Variants in AFG2A observed in about 807,000 individuals in gnomAD.
AFG2A encodes the protein AAA ATPase AFG2A.
At chr4:123,227,398 C>T in the AFG2A span, among the ~76,000 whole-genome samples, 1 of 152,152 alleles carries the variant, frequency 6.6e-6, no homozygotes, top group Non-Finnish European at 1.5e-5. Flanking sequence ...CCCAGAGATT[C>T]TGGTACGTTG....
the AFG2A span, among the ~76,000 whole-genome samples, chr4:122,986,282 T>C: frequency 4.6e-5 from 7 of 152,232 alleles, no homozygotes; most frequent in Non-Finnish European, 8.8e-5. Flanking sequence ...TGTATATCAG[T>C]TAAGTCCATT....
the AFG2A span, among the ~76,000 whole-genome samples, chr4:123,143,248 T>C: frequency 6.6e-6 from 1 of 152,068 alleles, no homozygotes; most frequent in Non-Finnish European, 1.5e-5. Context: ...TAAGTTGTTG[T>C]ACCTTCAATT....
chr4:123,075,987 AC>A, the AFG2A span, among the ~76,000 whole-genome samples: 2 of 135,086 alleles, frequency 1.5e-5, no homozygotes. Context: ...AAAAAAAAAA[AC>A]AAAAAAAAAA....
chr4:123,189,208 C>A, the AFG2A span, among the ~76,000 whole-genome samples: 119 of 152,230 alleles, frequency 7.8e-4, 1 homozygote, highest in African/African-American at 2.7e-3. Flanking sequence ...ATTAAGAAAC[C>A]CTGCTCTGCG....
chr4:123,153,941 A>T, the AFG2A span, among the ~76,000 whole-genome samples: 2 of 152,218 alleles, frequency 1.3e-5, no homozygotes, highest in East Asian at 3.8e-4. Flanking sequence ...AAAAACTGTT[A>T]ATCTAGAATT....
chr4:122,945,074 C>T, the AFG2A span, among the ~76,000 whole-genome samples: 5 of 152,164 alleles, frequency 3.3e-5, 1 homozygote, highest in African/African-American at 4.8e-5. Context: ...TTAGGCTGCT[C>T]GGGTGTCAGG....
At chr4:122,960,602 A>C in the AFG2A span, among the ~76,000 whole-genome samples, 1 of 152,204 alleles carries the variant, frequency 6.6e-6, no homozygotes, top group African/African-American at 2.4e-5. Flanking sequence ...GTTCTTACCA[A>C]ATTCTCAGGC....
the AFG2A span, among the ~76,000 whole-genome samples, chr4:123,013,692 C>T: frequency 6.6e-6 from 1 of 152,142 alleles, no homozygotes; most frequent in African/African-American, 2.4e-5. Flanking sequence ...CAGCAAATCT[C>T]CAACTTTTTT....
the AFG2A span, among the ~76,000 whole-genome samples, chr4:123,044,790 T>C: frequency 6.6e-6 from 1 of 152,090 alleles, no homozygotes; most frequent in African/African-American, 2.4e-5. Context: ...TTGTCAATCT[T>C]TTTTGTTTCT....
At chr4:123,118,689 C>A in the AFG2A span, among the ~76,000 whole-genome samples, 2 of 151,876 alleles carry the variant, frequency 1.3e-5, no homozygotes, top group Admixed American at 6.6e-5. Context: ...TGGGTAAATA[C>A]ATTTGTAATT....
At chr4:123,253,394 G>A in the AFG2A span, among the ~76,000 whole-genome samples, 2 of 151,702 alleles carry the variant, frequency 1.3e-5, no homozygotes, top group Non-Finnish European at 2.9e-5. Flanking sequence ...TGAGGCAGGA[G>A]AATTGCTCGA....
At chr4:123,243,307 T>C in the AFG2A span, among the ~76,000 whole-genome samples, 1 of 152,208 alleles carries the variant, frequency 6.6e-6, no homozygotes, top group African/African-American at 2.4e-5. Context: ...CGTATGTTTA[T>C]TGCAGCACTA....
chr4:123,209,206 C>T, the AFG2A span, among the ~76,000 whole-genome samples: 1 of 152,138 alleles, frequency 6.6e-6, no homozygotes, highest in African/African-American at 2.4e-5. Flanking sequence ...GTAAAACAAC[C>T]TGGGGCTTGT....
the AFG2A span, among the ~76,000 whole-genome samples, chr4:123,008,023 CATTTAGTATTGCTATAGA>C: frequency 7.2e-5 from 11 of 151,922 alleles, no homozygotes; most frequent in African/African-American, 2.4e-4. Flanking sequence ...TGTCTTAGTC[CATTTAGTATTGCTATAGA>C]ATTTAGTATT....
At chr4:123,038,657 C>T in the AFG2A span, among the ~76,000 whole-genome samples, 1 of 152,124 alleles carries the variant, frequency 6.6e-6, no homozygotes, top group Non-Finnish European at 1.5e-5. Flanking sequence ...TAAGATTCAT[C>T]AGTACATAGT....
At chr4:123,020,190 A>AAC in the AFG2A span, among the ~76,000 whole-genome samples, 10 of 151,484 alleles carry the variant, frequency 6.6e-5, no homozygotes, top group East Asian at 1.2e-3. Context: ...TACAAACACA[A>AAC]ACACACACAC....
At chr4:123,245,681 G>C in the AFG2A span, among the ~76,000 whole-genome samples, 3 of 152,098 alleles carry the variant, frequency 2.0e-5, no homozygotes, top group Admixed American at 6.5e-5. Flanking sequence ...AACACCTGCT[G>C]TCAAATGCAT....
chr4:123,024,731 T>G, the AFG2A span, among the ~76,000 whole-genome samples: 2 of 152,126 alleles, frequency 1.3e-5, no homozygotes, highest in Admixed American at 1.3e-4. Flanking sequence ...TGGTTCAGAG[T>G]CAGAGGTGAA....
chr4:123,027,918 C>T, the AFG2A span, among the ~76,000 whole-genome samples: 6,232 of 151,562 alleles, frequency 0.041, 407 homozygotes, highest in African/African-American at 0.14. Flanking sequence ...TTAGATTTTA[C>T]GATATGCTCA....
Sources: allele counts gnomAD v4.1 joint callset (sites outside exome capture counted in the v4.1 genomes callset), GRCh38; gene constraint gnomAD v4.1.1; transcripts MANE v1.5; gene names NCBI Gene and HGNC (gene_info 2026-07-23, HGNC 2026-07-21).